SYNE1: variants seen among roughly 807,000 people sequenced by gnomAD.
The protein encoded by SYNE1 is nesprin-1.
Under a neutral mutation model 1,111.0 loss-of-function variants are expected in SYNE1, and 616 were observed. The observed-to-expected ratio is 0.55, with a 90% CI of 0.52 to 0.59. The LOEUF is 0.59. Ranked by LOEUF, SYNE1 falls within the 20% of genes least tolerant of loss-of-function variation. The pLI, the probability that SYNE1 is intolerant of heterozygous loss-of-function variation, is 0.00. For synonymous variants in SYNE1, 3,855 were observed against 3,825.8 expected (o/e 1.01, Z -0.28); for missense variants, 10,006 against 10,417.0 (o/e 0.96, Z 1.72).
Position 152,139,903 on chromosome 6 carries a change from C to T in SYNE1, c.25458+47G>A, listed in dbSNP as rs367865310. ...GGTGCCATCTGCACGGTCGTTCACG[C>T]GGTGGCTCTCTGTTTGTCCGCCGTG... On this transcript the variant is annotated intron_variant, in intron 140 of 145. Transcript: ENST00000367255. 1.5e-4 allele frequency: 230 copies of T among 1,577,828 alleles called. 1 individual carries two copies. The highest frequency in any genetic ancestry group is 1.1e-3 in the South Asian group (100 of 89,700).
In SYNE1 at chr6:152,358,722, T is replaced by C. The variant is rs570272850; in HGVS notation, c.10444-185A>G. On this transcript the variant is annotated intron_variant, in intron 65 of 145. Transcript: ENST00000367255. ...ATATAAAAACCTAATATTTCAGGAA[T>C]AAAAGTGTCATTAATTATTTTGTTG... Among the ~76,000 whole-genome samples the C allele has an allele frequency of 5.3e-5, 8 of 152,340 alleles. No individual in the cohort carries two copies. In the South Asian group the frequency reaches 1.7e-3, roughly 32 times the overall value.
intron 3 of SYNE1, among the ~76,000 whole-genome samples, chr6:152,616,803 ACCT>A (rs1387071099): frequency 6.6e-6 from 1 of 151,684 alleles, no homozygotes; most frequent in Admixed American, 6.6e-5. Context: ...CCAAATTCTG[ACCT>A]CCTCCCAGGA....
chr6:152,278,327 CT>C, intron 97 of SYNE1, 47 bp from the exon 98 acceptor site: 1 of 1,600,138 alleles, frequency 6.2e-7, no homozygotes, highest in Non-Finnish European at 8.5e-7. Flanking sequence ...TCCCCAGCCT[CT>C]GCAAAGACTG....
At chr6:152,440,042 T>C (rs2098514295) in intron 32 of SYNE1, among the ~76,000 whole-genome samples, 1 of 152,182 alleles carries the variant, frequency 6.6e-6, no homozygotes, top group East Asian at 1.9e-4. Flanking sequence ...ATTGTCTCCG[T>C]CAGACTCAAA....
chr6:152,367,289 G>C lies in SYNE1; in HGVS notation c.9901C>G (p.His3301Asp). Residue 3301 changes from histidine to aspartate, a missense_variant, in exon 62 of 146, where the codon CAC becomes GAC. Physicochemically the swap from His to Asp is moderately conservative, Grantham distance 81. Coordinates refer to ENST00000367255, the MANE Select transcript of SYNE1 (RefSeq NM_182961.4). Reference sequence around the variant, plus strand: ...GGGTGGCAGTATGAATCCAGCATGTGAATCGCATCCGTCATCCAGTCTTGT... The same window carrying C: ...GGGTGGCAGTATGAATCCAGCATGTCAATCGCATCCGTCATCCAGTCTTGT... ...ELQDWMTDAIHMLDSYCHPTS... is the reference protein window; with the variant it reads ...ELQDWMTDAIDMLDSYCHPTS... The C allele has an allele frequency of 6.2e-7, 1 of 1,614,232 alleles. No individual in the cohort carries two copies. The highest frequency in any genetic ancestry group is 8.5e-7 in the Non-Finnish European group (1 of 1,180,046).
chr6:152,477,034 A>G (rs932678808), intron 14 of SYNE1, among the ~76,000 whole-genome samples: 9 of 152,218 alleles, frequency 5.9e-5, no homozygotes, highest in African/African-American at 2.2e-4. Context: ...ACCACAAAAT[A>G]TATAAAACAA....
intron 3 of SYNE1, among the ~76,000 whole-genome samples, chr6:152,618,678 AAAG>A (rs1414022564): frequency 6.6e-6 from 1 of 152,248 alleles, no homozygotes; most frequent in African/African-American, 2.4e-5. Context: ...AAAAAACAAA[AAAG>A]AACATAAGTT....
chr6:152,550,345 A>C (rs1340449656), intron 3 of SYNE1, among the ~76,000 whole-genome samples: 1 of 152,172 alleles, frequency 6.6e-6, no homozygotes, highest in Non-Finnish European at 1.5e-5. Flanking sequence ...CCTCTAAAAA[A>C]TATTTTAGAA....
At chr6:152,163,612 G>A (rs1009529001) in intron 131 of SYNE1, among the ~76,000 whole-genome samples, 10 of 151,846 alleles carry the variant, frequency 6.6e-5, no homozygotes, top group African/African-American at 1.2e-4. Flanking sequence ...GTTGTACGCC[G>A]CCAGTGAGAT....
Position 152,239,561 on chromosome 6 carries a change from C to G in SYNE1, c.20039G>C (p.Arg6680Thr), listed in dbSNP as rs748902201. 5 of 1,614,072 alleles carry G rather than the reference C, an allele frequency of 3.1e-6. No individual in the cohort carries two copies. Among genetic ancestry groups the G allele is most frequent in the Non-Finnish European group, 4.2e-6 (5 of 1,180,050 alleles). ...ASAVLKRAHK[R>T]GVELEYILET... ...TAGAATGTACTCCAGCTCCACACCC[C>G]TCTTGTGAGCCCGTTTCAGTACAGC... is the stretch of plus-strand genomic sequence containing the variant. The change falls in exon 108 of 146, where the codon AGG becomes ACG. Residue 6680 changes from arginine (R) to threonine (T), a missense_variant. This residue lies in a region of SYNE1 where 2,182 missense variants were observed against 2,287.8 expected (regional missense o/e 0.95). Coordinates refer to ENST00000367255, the MANE Select transcript of SYNE1 (RefSeq NM_182961.4).
In SYNE1 at chr6:152,607,419, GA is replaced by G. The variant is rs1165537775; in HGVS notation, c.67+20845del. ...AGCAACAGAAAAAAACTGATGTCAA[GA>G]TTTTTTTTTTTCATGTTTGTTGGCC... On this transcript the variant is annotated intron_variant, in intron 3 of 145. Transcript: ENST00000367255. Among the ~76,000 whole-genome samples, 4 of 149,754 alleles carry G rather than the reference GA, an allele frequency of 2.7e-5. No individual in the cohort carries two copies. The South Asian group carries it at 6.3e-4, about 24-fold the overall frequency.
rs1247706511 is a variant in SYNE1 at position 152,427,795 on chromosome 6, G to T, written c.4998C>A (p.Ser1666=). The T allele has an allele frequency of 6.2e-7, 1 of 1,614,076 alleles. No homozygotes were observed. Among genetic ancestry groups the T allele is most frequent in the South Asian group, 1.1e-5 (1 of 91,082 alleles). The part of the protein sequence containing the change: ...HWQRLEKELS[S]FLTWLERGEA... ...CACCCCGCTCTAACCAGGTCAAAAA[G>T]GATGATAGTTCTTTCTCTAGCCTAA... Residue 1666 remains serine (S), a synonymous_variant, in exon 38 of 146, where the codon TCC becomes TCA. Coordinates refer to ENST00000367255, the MANE Select transcript of SYNE1 (RefSeq NM_182961.4).
At chr6:152,164,597 G>A (rs1395854259) in intron 130 of SYNE1, among the ~76,000 whole-genome samples, 1 of 152,196 alleles carries the variant, frequency 6.6e-6, no homozygotes, top group African/African-American at 2.4e-5. Context: ...TGAGCAAGGT[G>A]TGATCAGAAG....
intron 46 of SYNE1, 122 bp downstream of exon 46, chr6:152,404,089 GAT>G (rs1425437468): frequency 1.8e-6 from 1 of 553,278 alleles, no homozygotes; most frequent in African/African-American, 2.1e-5. Flanking sequence ...ATATATACGA[GAT>G]ATAGATATAT....
intron 127 of SYNE1, among the ~76,000 whole-genome samples, chr6:152,197,851 G>T (rs2074492820): frequency 6.6e-6 from 1 of 152,140 alleles, no homozygotes; most frequent in African/African-American, 2.4e-5. Flanking sequence ...AGCTCCATTT[G>T]CCCCTAACAA....
At chr6:152,437,010 A>C (rs553255435) in intron 32 of SYNE1, among the ~76,000 whole-genome samples, 37 of 152,002 alleles carry the variant, frequency 2.4e-4, no homozygotes, top group Non-Finnish European at 4.6e-4. Context: ...CTAGGGAAAA[A>C]AAAAAAAGTG....
rs1377912126 is a variant in SYNE1, at chr6:152,455,999, T to A, written c.2614A>T (p.Ile872Phe). ...QENCKKTLTLIEKGSQSVQKF... is the reference protein window; with the variant it reads ...QENCKKTLTLFEKGSQSVQKF... ...TGAACACTTTGACTGCCTTTCTCAA[T>A]AAGTGTCAAGGTTTTCTTACAGTTT... Residue 872 changes from isoleucine (I) to phenylalanine (F), a missense_variant, in exon 23 of 146, where the codon ATT becomes TTT. By Grantham distance (21) the Ile-to-Phe change is conservative. Around this residue, in one of 7 missense-constraint regions of SYNE1, gnomAD observed 1,971 missense variants for 2,084.1 expected, o/e 0.95. Transcript: ENST00000367255. The A allele has an allele frequency of 6.2e-7, 1 of 1,613,954 alleles. No homozygotes were observed. Among genetic ancestry groups the A allele is most frequent in the Non-Finnish European group, 8.5e-7 (1 of 1,180,014 alleles).
chr6:152,465,942 C>T (rs745903600), intron 17 of SYNE1, 40 bp downstream of exon 17: 10 of 1,376,274 alleles, frequency 7.3e-6, no homozygotes, highest in African/African-American at 1.4e-5. Flanking sequence ...CTAAATTCTA[C>T]TGCAGTCTAC....
intron 80 of SYNE1, 142 bp downstream of exon 80, chr6:152,325,816 A>T: frequency 9.2e-7 from 1 of 1,090,092 alleles, no homozygotes; most frequent in Non-Finnish European, 1.3e-6. Flanking sequence ...TAATAAACTT[A>T]AAACTTCTAT....
Sources: gnomAD v4.1 joint callset for allele counts (sites outside exome capture counted in the v4.1 genomes callset) on GRCh38, gnomAD v4.1.1 for gene constraint, gnomAD v4.1.1 regional missense constraint, MANE v1.5 for transcripts, NCBI Gene and HGNC (gene_info 2026-07-23, HGNC 2026-07-21) for gene names.